Variants in RB1 observed in about 807,000 individuals in gnomAD.
The protein encoded by RB1 is retinoblastoma-associated protein.
In RB1, 18 loss-of-function variants were observed where a neutral mutation model predicts 135.4. The observed-to-expected ratio is 0.13, with a 90% confidence interval of 0.09 to 0.20. The LOEUF is 0.20. Among genes scored for constraint, RB1 ranks in the 10% least tolerant of loss-of-function variants. The pLI, the probability that RB1 is intolerant of heterozygous loss-of-function variation, is 1.00. For synonymous variants in RB1, 365 were observed against 373.2 expected (o/e 0.98, Z 0.25); for missense variants, 868 against 1,110.0 (o/e 0.78, Z 3.10).
chr13:48,387,150 G>A (rs540625833), intron 17 of RB1, among the ~76,000 whole-genome samples: 5 of 152,036 alleles, frequency 3.3e-5, no homozygotes, highest in Admixed American at 2.0e-4. Flanking sequence ...ATGTAGAAGC[G>A]GATAGGAAAA....
chr13:48,336,011 G>A (rs1467754438), intron 2 of RB1, among the ~76,000 whole-genome samples: 1 of 151,814 alleles, frequency 6.6e-6, no homozygotes, highest in Non-Finnish European at 1.5e-5. Flanking sequence ...GGATGTGAGG[G>A]CATTTAAAAA....
chr13:48,390,372 C>T (rs73490887), intron 17 of RB1, among the ~76,000 whole-genome samples: 5,291 of 152,158 alleles, frequency 0.035, 225 homozygotes, highest in African/African-American at 0.098. Context: ...GGGTAGTTTA[C>T]TGTATTTTAA....
chr13:48,357,017 A>AT (rs539704227), intron 6 of RB1, among the ~76,000 whole-genome samples: 15 of 149,704 alleles, frequency 1.0e-4, no homozygotes, highest in South Asian at 6.3e-4. Flanking sequence ...TTCCTGAAGA[A>AT]TTTTTTTTTT....
intron 2 of RB1, among the ~76,000 whole-genome samples, chr13:48,334,353 G>A (rs1191636254): frequency 6.6e-6 from 1 of 152,154 alleles, no homozygotes; most frequent in Admixed American, 6.5e-5. Flanking sequence ...AAATTTTCTA[G>A]CGTCTTAGCC....
At chr13:48,379,516 T>C in intron 13 of RB1, 78 bp from the exon 14 acceptor site, 1 of 1,309,566 alleles carries the variant, frequency 7.6e-7, no homozygotes, top group Non-Finnish European at 1.0e-6. Context: ...TGAGACTCCA[T>C]CTCAAAAAAA....
intron 2 of RB1, chr13:48,320,028 C>A: frequency 2.2e-6 from 1 of 453,792 alleles, no homozygotes. Context: ...CCTGGCTGGC[C>A]CCTGCCAGCC....
At chr13:48,463,857 G>GT (rs1327610009) in intron 21 of RB1, 22 bp downstream of exon 21, 2 of 1,444,134 alleles carry the variant, frequency 1.4e-6, no homozygotes, top group Non-Finnish European at 1.9e-6. Context: ...TCCATAGTAA[G>GT]TTTTTTTGAT....
intron 2 of RB1, chr13:48,333,241 T>A (rs1375374957): frequency 3.6e-5 from 14 of 392,478 alleles, no homozygotes; most frequent in Non-Finnish European, 6.3e-5. Context: ...ATTTCCTTTT[T>A]TGAAACAGCA....
At chr13:48,331,373 G>A (rs1447927113) in intron 2 of RB1, among the ~76,000 whole-genome samples, 2 of 152,200 alleles carry the variant, frequency 1.3e-5, no homozygotes, top group African/African-American at 4.8e-5. Flanking sequence ...CAATATGGTA[G>A]TATTAAAGAT....
At chr13:48,317,254 G>C (rs1032303599) in intron 2 of RB1, 12 of 403,374 alleles carry the variant, frequency 3.0e-5, no homozygotes, top group Non-Finnish European at 4.4e-5. Context: ...GGAAGAGCTG[G>C]GTGGACAGCG....
intron 7 of RB1, among the ~76,000 whole-genome samples, chr13:48,362,047 A>C (rs1952646941): frequency 6.6e-6 from 1 of 150,516 alleles, no homozygotes; most frequent in African/African-American, 2.4e-5. Context: ...TCCCGGGTTC[A>C]AGCAATTCTC....
chr13:48,314,725 C>G (rs965591303), intron 2 of RB1, among the ~76,000 whole-genome samples: 2 of 151,414 alleles, frequency 1.3e-5, no homozygotes, highest in African/African-American at 4.9e-5. Flanking sequence ...CGCTTGAACC[C>G]GGGAGGCGGA....
chr13:48,335,365 A>G (rs1952374138), intron 2 of RB1, among the ~76,000 whole-genome samples: 1 of 151,950 alleles, frequency 6.6e-6, no homozygotes, highest in Non-Finnish European at 1.5e-5. Context: ...ATCTTTTTTT[A>G]ATTTTTAAGT....
chr13:48,403,009 T>C (rs1156329251), intron 17 of RB1, among the ~76,000 whole-genome samples: 2 of 152,108 alleles, frequency 1.3e-5, no homozygotes, highest in Non-Finnish European at 2.9e-5. Flanking sequence ...ATAAAACCTA[T>C]GATTCATAGG....
intron 17 of RB1, among the ~76,000 whole-genome samples, chr13:48,443,929 T>C (rs7990103): frequency 0.059 from 9,006 of 152,234 alleles, 597 homozygotes; most frequent in African/African-American, 0.16. Context: ...ACCATGTTTT[T>C]CTTCTGCTCT....
chr13:48,400,736 T>TA (rs1948684915), intron 17 of RB1, among the ~76,000 whole-genome samples: 1 of 152,156 alleles, frequency 6.6e-6, no homozygotes, highest in Non-Finnish European at 1.5e-5. Context: ...AAAATAGGGA[T>TA]AACTTTCAGT....
chr13:48,390,972 A>G (rs1197162534), intron 17 of RB1, among the ~76,000 whole-genome samples: 2 of 152,128 alleles, frequency 1.3e-5, no homozygotes, highest in African/African-American at 4.8e-5. Flanking sequence ...GACTATTGAT[A>G]TGGTTGGGTT....
chr13:48,413,635 T>A (rs1293350005), intron 17 of RB1, among the ~76,000 whole-genome samples: 1 of 152,194 alleles, frequency 6.6e-6, no homozygotes, highest in Non-Finnish European at 1.5e-5. Context: ...TATGAGTAGC[T>A]CTTATCCTGG....
chr13:48,305,163 A>G lies in RB1; in HGVS notation c.137+1114A>G, dbSNP rs4151419. On this transcript the variant is annotated intron_variant, in intron 1 of 26. Transcript: ENST00000267163. ...ATGGGACTTGTTTCTGTTTTTCACT[A>G]TTTTCTCTCCCATTCTTGTCTATCA... is the stretch of plus-strand genomic sequence containing the variant. 7.5e-3 allele frequency among the ~76,000 whole-genome samples: 1,143 copies of G among 152,074 alleles called. 16 individuals are homozygous for G. Among genetic ancestry groups the G allele is most frequent in the African/African-American group, 0.023 (955 of 41,458 alleles).
Sources: allele counts gnomAD v4.1 joint callset (sites outside exome capture counted in the v4.1 genomes callset), GRCh38; gene constraint gnomAD v4.1.1; transcripts MANE v1.5; gene names NCBI Gene and HGNC (gene_info 2026-07-23, HGNC 2026-07-21).